The following PIEZO2 variants were observed in gnomAD, a reference collection of about 807,000 sequenced individuals.
The protein encoded by PIEZO2 is piezo-type mechanosensitive ion channel component 2.
PIEZO2 carries 172 observed loss-of-function variants against 337.3 expected under a neutral mutation model. The ratio of observed to expected loss-of-function variants is 0.51; its 90% CI spans 0.45 to 0.58. The LOEUF (loss-of-function observed/expected upper bound fraction) is 0.58. Ranked by LOEUF, PIEZO2 falls within the 20% of genes least tolerant of loss-of-function variation. The pLI, the probability that PIEZO2 is intolerant of heterozygous loss-of-function variation, is 0.00. For synonymous variants in PIEZO2, 1,251 were observed against 1,228.5 expected, an observed-to-expected ratio of 1.02 and a Z score of -0.38; for missense variants, 3,028 against 3,391.3, an observed-to-expected ratio of 0.89 and a Z score of 2.66.
intron 4 of PIEZO2, among the ~76,000 whole-genome samples, chr18:10,893,175 G>C (rs2042803660): frequency 6.6e-6 from 1 of 152,124 alleles, no homozygotes; most frequent in South Asian, 2.1e-4. Context: ...ATTATGGCTA[G>C]GTTAATGAGA....
rs1598740578 is a variant in PIEZO2, at chr18:10,953,896, G to GA, written c.286+25638dup. ...GTGCCCCTGGTTACTATGTGAGGAC[G>GA]ATACTGCCTTGTTTTAATGATTTGC... On this transcript the variant is annotated intron_variant, in intron 3 of 55. Coordinates refer to ENST00000674853, the MANE Select transcript of PIEZO2 (RefSeq NM_001378183.1). The surrounding 1 kb of genome is among the most constrained non-coding windows in gnomAD (Gnocchi z 5.2). Among the ~76,000 whole-genome samples, 1 of 152,184 alleles carries GA rather than the reference G, an allele frequency of 6.6e-6. No individual in the cohort carries two copies. Among genetic ancestry groups the GA allele is most frequent in the Non-Finnish European group, 1.5e-5 (1 of 68,038 alleles).
chr18:10,996,150 A>T lies in PIEZO2; in HGVS notation c.161-16490T>A, dbSNP rs1370049210. On this transcript the variant is annotated intron_variant, in intron 2 of 55. Coordinates refer to ENST00000674853, the MANE Select transcript of PIEZO2 (RefSeq NM_001378183.1). ...GCAAAAGTTTAAAATAAATGGAAGC[A>T]TAAGAAAAGGAGAAATATCTTTTGA... Among the ~76,000 whole-genome samples, 3 of 152,248 alleles carry T rather than the reference A, an allele frequency of 2.0e-5. No individual in the cohort carries two copies. In the East Asian group the frequency reaches 5.8e-4, roughly 29 times the overall value.
chr18:10,776,618 C>T (rs942323855), intron 18 of PIEZO2, among the ~76,000 whole-genome samples: 2 of 152,138 alleles, frequency 1.3e-5, no homozygotes, highest in African/African-American at 4.8e-5. Flanking sequence ...GAATCTGTTT[C>T]CCAATGGTCT....
At chr18:11,135,415 A>T (rs2146257712) in intron 1 of PIEZO2, among the ~76,000 whole-genome samples, 1 of 152,352 alleles carries the variant, frequency 6.6e-6, no homozygotes, top group African/African-American at 2.4e-5. Flanking sequence ...GTATGATTTT[A>T]AAAAGCAACT....
intron 1 of PIEZO2, among the ~76,000 whole-genome samples, chr18:11,136,181 G>A (rs931086142): frequency 6.6e-6 from 1 of 152,240 alleles, no homozygotes; most frequent in African/African-American, 2.4e-5. Context: ...GTGGAGTCCA[G>A]TGAATGAGGC....
At chr18:11,133,909 G>T (rs560732589) in intron 1 of PIEZO2, among the ~76,000 whole-genome samples, 163 of 151,374 alleles carry the variant, frequency 1.1e-3, no homozygotes, top group African/African-American at 3.5e-3. Flanking sequence ...TATCATATTA[G>T]TCTGTCCCTC....
chr18:11,136,520 T>C (rs1449178813), intron 1 of PIEZO2, among the ~76,000 whole-genome samples: 1 of 152,248 alleles, frequency 6.6e-6, no homozygotes, highest in Non-Finnish European at 1.5e-5. Context: ...CTAACAACAT[T>C]TCCTTGCTTA....
chr18:11,148,476 C>T lies in PIEZO2; in HGVS notation c.64+49G>A, dbSNP rs1476098152. ...TTTGTTAAGAAGTCCCCCACCCAGGCGCCCCCCTCGTCCTCCTCAAGTGCC... is the reference window on the plus strand; with the variant it reads ...TTTGTTAAGAAGTCCCCCACCCAGGTGCCCCCCTCGTCCTCCTCAAGTGCC... On this transcript the variant is annotated intron_variant, in intron 1 of 55. Transcript: ENST00000674853. This position sits in a 1 kb window ranked among gnomAD's most constrained non-coding sequence, Gnocchi z 5.2. 10 of 1,525,606 alleles carry T rather than the reference C, an allele frequency of 6.6e-6. No individual in the cohort carries two copies. Among genetic ancestry groups the T allele is most frequent in the East Asian group, 2.4e-5 (1 of 40,822 alleles). The allele number at this position is 1,525,606 out of a possible 1,614,324, so 94.5% of individuals were successfully genotyped here.
rs1438232747 is a variant in PIEZO2, at chr18:10,850,449, T to G, written c.917+4904A>C. The stretch of plus-strand genomic sequence containing the variant: ...AGCACCCCCACAGCCCTGCAAAGGC[T>G]CTTTCACAGCTGCGAGAATGTGGGG... On this transcript the variant is annotated intron_variant, in intron 7 of 55. Coordinates refer to ENST00000674853, the MANE Select transcript of PIEZO2 (RefSeq NM_001378183.1). The surrounding 1 kb of genome is among the most constrained non-coding windows in gnomAD (Gnocchi z 4.5). Among the ~76,000 whole-genome samples, 7 of 152,206 alleles carry G rather than the reference T, an allele frequency of 4.6e-5. No homozygotes were observed. Among genetic ancestry groups the G allele is most frequent in the African/African-American group, 1.4e-4 (6 of 41,442 alleles).
At position 10,952,400 on chromosome 18, in the gene PIEZO2, C is replaced by T. The variant is rs2033335424; in HGVS notation, c.286+27135G>A. On this transcript the variant is annotated intron_variant, in intron 3 of 55. Coordinates refer to ENST00000674853, the MANE Select transcript of PIEZO2 (RefSeq NM_001378183.1). This position sits in a 1 kb window ranked among gnomAD's most constrained non-coding sequence, Gnocchi z 4.1. Reference sequence around the variant, plus strand: ...TCAGCCACTCCCCTGATCCTCCACCCCATGGTGAGCAATGATGCACTTTCT... The same window carrying T: ...TCAGCCACTCCCCTGATCCTCCACCTCATGGTGAGCAATGATGCACTTTCT... 6.6e-6 allele frequency among the ~76,000 whole-genome samples: 1 copy of T among 152,172 alleles called. No homozygotes were observed. The highest frequency in any genetic ancestry group is 1.5e-5 in the Non-Finnish European group (1 of 68,020).
At chr18:10,825,835 G>A (rs945915034) in intron 7 of PIEZO2, among the ~76,000 whole-genome samples, 17 of 152,220 alleles carry the variant, frequency 1.1e-4, no homozygotes, top group African/African-American at 4.1e-4. Flanking sequence ...ATGGGTGTGA[G>A]CCACCATGCC....
chr18:10,720,363 CTG>C (rs58927900), intron 36 of PIEZO2, among the ~76,000 whole-genome samples: 2,510 of 56,050 alleles, frequency 0.045, 95 homozygotes, highest in Non-Finnish European at 0.064. Context: ...TATATATATT[CTG>C]TGTGTGTGTG....
chr18:10,908,529 A>G (rs2030166039), intron 4 of PIEZO2: 1 of 152,266 alleles, frequency 6.6e-6, no homozygotes, highest in South Asian at 2.1e-4. Flanking sequence ...CAAGCCATAT[A>G]TAACAGTACT....
Position 10,705,330 on chromosome 18 carries a change from C to G in PIEZO2, c.5999+6G>C, listed in dbSNP as rs779034326. On this transcript the variant is annotated splice_donor_region_variant and intron_variant, in intron 41 of 55. Transcript: ENST00000674853. ...TATGTGTCTGATCTGTTCACTGGACCCTTACTTTTTCAGCAGCAGCTCGCT... is the reference window on the plus strand; with the variant it reads ...TATGTGTCTGATCTGTTCACTGGACGCTTACTTTTTCAGCAGCAGCTCGCT... The G allele has an allele frequency of 5.5e-5, 84 of 1,527,694 alleles. 1 individual carries two copies. Among genetic ancestry groups the G allele is most frequent in the Middle Eastern group, 5.0e-4 (3 of 5,952 alleles). 94.6% of individuals were successfully genotyped at this position (1,527,694 alleles called of 1,614,324 possible). A position where few individuals can be genotyped will look rare whatever the true frequency, so the allele number is the denominator to read the frequency against.
At chr18:10,723,566 T>G (rs926615225) in intron 36 of PIEZO2, among the ~76,000 whole-genome samples, 6 of 152,128 alleles carry the variant, frequency 3.9e-5, no homozygotes, top group Non-Finnish European at 7.4e-5. Context: ...GTGTTTATGC[T>G]GATGGAAAGA....
rs962153114 is a variant in PIEZO2 at position 10,952,200 on chromosome 18, G to C, written c.286+27335C>G. Among the ~76,000 whole-genome samples, 2 of 152,022 alleles carry C rather than the reference G, an allele frequency of 1.3e-5. No individual in the cohort carries two copies. Among genetic ancestry groups the C allele is most frequent in the Non-Finnish European group, 2.9e-5 (2 of 68,010 alleles). ...GAAAATTCCAATGTGTTACCACTGTGGTCGCTGGCTCTTTTTAAATCATTT... is the reference window on the plus strand; with the variant it reads ...GAAAATTCCAATGTGTTACCACTGTCGTCGCTGGCTCTTTTTAAATCATTT... On this transcript the variant is annotated intron_variant, in intron 3 of 55. Transcript: ENST00000674853. The surrounding 1 kb of genome is among the most constrained non-coding windows in gnomAD (Gnocchi z 4.1).
chr18:11,080,094 A>G lies in PIEZO2; in HGVS notation c.65-13872T>C, dbSNP rs1227605743. ...CTAATCCCAGTCAGGCTGTCTCCAG[A>G]TCCCCACTCCTAACCACTCCACACT... On this transcript the variant is annotated intron_variant, in intron 1 of 55. Transcript: ENST00000674853. The surrounding 1 kb of genome is among the most constrained non-coding windows in gnomAD (Gnocchi z 5.4). 1.3e-5 allele frequency among the ~76,000 whole-genome samples: 2 copies of G among 152,204 alleles called. No homozygotes were observed. Among genetic ancestry groups the G allele is most frequent in the Non-Finnish European group, 2.9e-5 (2 of 68,026 alleles).
intron 4 of PIEZO2, among the ~76,000 whole-genome samples, chr18:10,886,500 G>GTGTATATATATATATATATATATATATA (rs1568165949): frequency 9.3e-5 from 1 of 10,754 alleles, no homozygotes; most frequent in Non-Finnish European, 1.7e-4. Flanking sequence ...ATATATATAC[G>GTGTATATATATATATATATATATATATA]CATATACACA....
rs1417355444 is a variant in PIEZO2, at chr18:10,800,411, A to C, written c.1304T>G (p.Met435Arg). ...GTCGGCTTTGCCAGGGCCGTTCTCC[A>C]TGGGCAGGCTTGGGTGGATGGTGTG... Reference protein sequence around the residue: ...DYHTIHPSLPMENGPGKADLY... With the variant: ...DYHTIHPSLPRENGPGKADLY... Residue 435 changes from methionine to arginine, a missense_variant, in exon 11 of 56, where the codon ATG (methionine) becomes AGG (arginine). By Grantham distance (91) the Met-to-Arg change is moderately conservative. Coordinates refer to ENST00000674853, the MANE Select transcript of PIEZO2 (RefSeq NM_001378183.1). The C allele has an allele frequency of 6.5e-7, 1 of 1,536,332 alleles. No individual in the cohort carries two copies. Among genetic ancestry groups the C allele is most frequent in the South Asian group, 1.2e-5 (1 of 83,852 alleles).
Sources: gnomAD v4.1 joint callset for allele counts (sites outside exome capture counted in the v4.1 genomes callset) on GRCh38, gnomAD v4.1.1 for gene constraint, Gnocchi (gnomAD v3.1) non-coding constraint, MANE v1.5 for transcripts, NCBI Gene and HGNC (gene_info 2026-07-23, HGNC 2026-07-21) for gene names.